Variants in MAPKAPK2 observed in about 807,000 individuals in gnomAD.
MAPKAPK2 encodes the protein MAPK activated protein kinase 2.
MAPKAPK2 carries 9 observed loss-of-function variants against 48.8 expected under a neutral mutation model. That is an observed-to-expected ratio of 0.18 (90% confidence interval 0.11 to 0.32). The LOEUF is 0.32. MAPKAPK2 is among the 10% of genes least tolerant of loss of function. The pLI is 1.00. For synonymous variants in MAPKAPK2, 202 were observed against 190.6 expected (o/e 1.06, Z -0.49); for missense variants, 331 against 498.3 (o/e 0.66, Z 3.20).
chr1:206,698,723 G>A (rs540523387), intron 1 of MAPKAPK2, among the ~76,000 whole-genome samples: 7 of 152,112 alleles, frequency 4.6e-5, no homozygotes, highest in African/African-American at 1.4e-4. Context: ...ACATGTTCAT[G>A]TACAGAATAA....
Position 206,731,998 on chromosome 1 carries a change from G to T in MAPKAPK2, c.1059+79G>T, listed in dbSNP as rs368347735. Reference sequence around the variant, plus strand: ...GGAGTGCCCAGGTGTGAGGCGTGGTGCTGGTAGGGGAGAGCTTGATTCTGC... The same window carrying T: ...GGAGTGCCCAGGTGTGAGGCGTGGTTCTGGTAGGGGAGAGCTTGATTCTGC... On this transcript the variant is annotated intron_variant, in intron 9 of 9. Transcript: ENST00000367103. This position sits in a 1 kb window ranked among gnomAD's most constrained non-coding sequence, Gnocchi z 5.9. 2.7e-5 allele frequency: 44 copies of T among 1,613,990 alleles called. No individual in the cohort carries two copies. The Middle Eastern group carries it at 1.6e-3, about 60-fold the overall frequency.
In MAPKAPK2 at chr1:206,728,865, T is replaced by C. The variant is rs1673796729; in HGVS notation, c.419+16T>C. 1 of 1,613,626 alleles carries C rather than the reference T, an allele frequency of 6.2e-7. No homozygotes were observed. Among genetic ancestry groups the C allele is most frequent in the Admixed American group, 1.7e-5 (1 of 59,962 alleles). ...TCATGGAATGGTAAGCAGCCACTGT[T>C]CTAGTCCCGGCCCAGCCTGTTCCCA... On this transcript the variant is annotated intron_variant, in intron 2 of 9. Transcript: ENST00000367103.
At position 206,729,485 on chromosome 1, in the gene MAPKAPK2, G is replaced by A. The variant is rs781913198; in HGVS notation, c.564+10G>A. On this transcript the variant is annotated intron_variant, in intron 4 of 9. Transcript: ENST00000367103. ...CCATCGGGATGTCAAGGTGCCAGCT[G>A]TTCATAACCCTGAGCCCGAGTGCTG... The A allele has an allele frequency of 3.1e-6, 5 of 1,612,502 alleles. No individual in the cohort carries two copies. The Admixed American group carries it at 6.7e-5, about 22-fold the overall frequency.
intron 1 of MAPKAPK2, among the ~76,000 whole-genome samples, chr1:206,727,032 GC>G (rs1572513097): frequency 6.6e-6 from 1 of 152,030 alleles, no homozygotes; most frequent in African/African-American, 2.4e-5. Context: ...CCTTCCCTCT[GC>G]CTGTCCATTT....
rs1432385542 is a variant in MAPKAPK2 at position 206,704,361 on chromosome 1, G to A, written c.279+18853G>A. On this transcript the variant is annotated intron_variant, in intron 1 of 9. Transcript: ENST00000367103. The surrounding 1 kb of genome is among the most constrained non-coding windows in gnomAD (Gnocchi z 4.3). ...TCCCCTTGCTGGGCACGCTTGGCAGGCATCCTGCTTTTCCTTTCAGGTTGC... is the reference window on the plus strand; with the variant it reads ...TCCCCTTGCTGGGCACGCTTGGCAGACATCCTGCTTTTCCTTTCAGGTTGC... Among the ~76,000 whole-genome samples, 1 of 152,232 alleles carries A rather than the reference G, an allele frequency of 6.6e-6. No individual in the cohort carries two copies. Among genetic ancestry groups the A allele is most frequent in the South Asian group, 2.1e-4 (1 of 4,830 alleles).
chr1:206,730,107 A>G lies in MAPKAPK2; in HGVS notation c.691+9A>G. On this transcript the variant is annotated intron_variant, in intron 5 of 9. Coordinates refer to ENST00000367103, the MANE Select transcript of MAPKAPK2 (RefSeq NM_032960.4). ...TACACCGTACTATGTGGGTAAGTCCACAGGGGGCCCAGGGACCTAGGCTTT... is the reference window on the plus strand; with the variant it reads ...TACACCGTACTATGTGGGTAAGTCCGCAGGGGGCCCAGGGACCTAGGCTTT... The G allele has an allele frequency of 1.9e-6, 3 of 1,614,176 alleles. No homozygotes were observed. Among genetic ancestry groups the G allele is most frequent in the Non-Finnish European group, 1.7e-6 (2 of 1,180,014 alleles).
Position 206,729,618 on chromosome 1 carries a change from G to A in MAPKAPK2, c.564+143G>A, listed in dbSNP as rs1290819626. On this transcript the variant is annotated intron_variant, in intron 4 of 9. Coordinates refer to ENST00000367103, the MANE Select transcript of MAPKAPK2 (RefSeq NM_032960.4). ...GCCATTCTCTGCCTTGTAGGGCCTT[G>A]CCCTCTCTGCCCATGGGCAAACCCC... The A allele has an allele frequency of 4.0e-6, 3 of 741,896 alleles. No homozygotes were observed. The African/African-American group carries it at 5.2e-5, about 13-fold the overall frequency. 46.0% of individuals were successfully genotyped at this position (741,896 alleles called of 1,614,324 possible). A position where few individuals can be genotyped will look rare whatever the true frequency, so the allele number is the denominator to read the frequency against.
Position 206,731,675 on chromosome 1 carries a change from C to T in MAPKAPK2, c.928C>T (p.Pro310Ser). Residue 310 changes from proline to serine, a missense_variant, in exon 8 of 10, where the codon CCC becomes TCC. By Grantham distance (74) the Pro-to-Ser change is moderately conservative. This residue lies in a region of MAPKAPK2 where 124 missense variants were observed against 194.6 expected (regional missense o/e 0.64). Transcript: ENST00000367103. The surrounding 1 kb of genome is among the most constrained non-coding windows in gnomAD (Gnocchi z 5.9). ...MLIRNLLKTE[P>S]TQRMTITEFM... ...CATTCGGAATCTGCTGAAAACAGAG[C>T]CCACCCAGAGAATGACCATCACCGA... 1 of 1,614,100 alleles carries T rather than the reference C, an allele frequency of 6.2e-7. No homozygotes were observed. The highest frequency in any genetic ancestry group is 8.5e-7 in the Non-Finnish European group (1 of 1,179,972).
rs56859867 is a variant in MAPKAPK2 at position 206,690,378 on chromosome 1, G to C, written c.279+4870G>C. 3.8e-3 allele frequency among the ~76,000 whole-genome samples: 585 copies of C among 152,344 alleles called. 3 individuals are homozygous for C. The highest frequency in any genetic ancestry group is 0.013 in the African/African-American group (535 of 41,578). On this transcript the variant is annotated intron_variant, in intron 1 of 9. Coordinates refer to ENST00000367103, the MANE Select transcript of MAPKAPK2 (RefSeq NM_032960.4). ...TTTTTACTTGTGAATTCTGGGCTTTGACTGAGCTTGGAGACAATCTCCAGC... is the reference window on the plus strand; with the variant it reads ...TTTTTACTTGTGAATTCTGGGCTTTCACTGAGCTTGGAGACAATCTCCAGC...
chr1:206,731,968 T>A lies in MAPKAPK2; in HGVS notation c.1059+49T>A. The A allele has an allele frequency of 6.2e-7, 1 of 1,613,758 alleles. No homozygotes were observed. Among genetic ancestry groups the A allele is most frequent in the Non-Finnish European group, 8.5e-7 (1 of 1,179,910 alleles). On this transcript the variant is annotated intron_variant, in intron 9 of 9. Transcript: ENST00000367103. This position sits in a 1 kb window ranked among gnomAD's most constrained non-coding sequence, Gnocchi z 5.9. ...GGGGCTCCAGGTGGGGTGGGCGGCT[T>A]GCGGGGAGTGCCCAGGTGTGAGGCG...
At chr1:206,692,078 A>C (rs1489834301) in intron 1 of MAPKAPK2, among the ~76,000 whole-genome samples, 1 of 152,172 alleles carries the variant, frequency 6.6e-6, no homozygotes, top group East Asian at 1.9e-4. Flanking sequence ...TTCCTTTCTC[A>C]AGTTATGGGG....
Position 206,715,549 on chromosome 1 carries a change from T to A in MAPKAPK2, c.280-13161T>A, listed in dbSNP as rs1553430209. Among the ~76,000 whole-genome samples, 21 of 152,314 alleles carry A rather than the reference T, an allele frequency of 1.4e-4. 1 individual carries two copies. In the South Asian group the frequency reaches 4.1e-3, roughly 30 times the overall value. ...CTTGGACCTTGTCTTTCAAAATGCA[T>A]TCCCTTTTGGGATCTCTGCCCATCA... On this transcript the variant is annotated intron_variant, in intron 1 of 9. Coordinates refer to ENST00000367103, the MANE Select transcript of MAPKAPK2 (RefSeq NM_032960.4).
In MAPKAPK2 at chr1:206,729,376, C is replaced by T. The variant is rs782614634; in HGVS notation, c.485-20C>T. 5 of 1,597,802 alleles carry T rather than the reference C, an allele frequency of 3.1e-6. No homozygotes were observed. Among genetic ancestry groups the T allele is most frequent in the Non-Finnish European group, 4.3e-6 (5 of 1,165,354 alleles). On this transcript the variant is annotated intron_variant, in intron 3 of 9. Coordinates refer to ENST00000367103, the MANE Select transcript of MAPKAPK2 (RefSeq NM_032960.4). ...TCTTTGTGACTTTCTTTCCCACTCA[C>T]TCTTCCCTCCCCTCTACAGAAGCAT...
intron 1 of MAPKAPK2, among the ~76,000 whole-genome samples, chr1:206,714,447 T>C (rs1427310848): frequency 6.6e-6 from 1 of 152,084 alleles, no homozygotes; most frequent in African/African-American, 2.4e-5. Flanking sequence ...GTTTATCCTA[T>C]TTGTCCCCTT....
Position 206,731,607 on chromosome 1 carries a change from T to C in MAPKAPK2, c.893-33T>C. 1 of 1,551,434 alleles carries C rather than the reference T, an allele frequency of 6.4e-7. No individual in the cohort carries two copies. The highest frequency in any genetic ancestry group is 1.1e-5 in the South Asian group (1 of 89,836). On this transcript the variant is annotated intron_variant, in intron 7 of 9. Transcript: ENST00000367103. The surrounding 1 kb of genome is among the most constrained non-coding windows in gnomAD (Gnocchi z 5.9). ...GGAGCAGGCCAGGGAGAGTGACCCCTGAGCTGTCACTGCCCCCTGTCCCAC... is the reference window on the plus strand; with the variant it reads ...GGAGCAGGCCAGGGAGAGTGACCCCCGAGCTGTCACTGCCCCCTGTCCCAC...
At chr1:206,698,927 C>T (rs1195779465) in intron 1 of MAPKAPK2, among the ~76,000 whole-genome samples, 2 of 152,198 alleles carry the variant, frequency 1.3e-5, no homozygotes, top group Non-Finnish European at 1.5e-5. Flanking sequence ...AACCTAGGCT[C>T]CCTCCAGCTC....
At chr1:206,691,504 T>TATATATATATATATATATATATAA (rs1424297313) in intron 1 of MAPKAPK2, among the ~76,000 whole-genome samples, 1 of 112,168 alleles carries the variant, frequency 8.9e-6, no homozygotes, top group Non-Finnish European at 2.0e-5. Flanking sequence ...TATATATATA[T>TATATATATATATATATATATATAA]ACACACATAC....
rs113347382 is a variant in MAPKAPK2, at chr1:206,730,488, C to A, written c.692-200C>A. Among the ~76,000 whole-genome samples, 57 of 152,348 alleles carry A rather than the reference C, an allele frequency of 3.7e-4. 2 individuals carry two copies. Among genetic ancestry groups the A allele is most frequent in the African/African-American group, 1.1e-3 (47 of 41,576 alleles). ...AGTTCAGGATTTTTAGAATCTTAAG[C>A]TCCTAGTTCCAGGTTCCTCATGGAG... On this transcript the variant is annotated intron_variant, in intron 5 of 9. Coordinates refer to ENST00000367103, the MANE Select transcript of MAPKAPK2 (RefSeq NM_032960.4).
intron 1 of MAPKAPK2, among the ~76,000 whole-genome samples, chr1:206,721,093 T>G (rs1287851426): frequency 2.0e-5 from 3 of 152,190 alleles, no homozygotes; most frequent in African/African-American, 4.8e-5. Context: ...GTTTGGGCCA[T>G]GGGGGTAGGT....
Sources: gnomAD v4.1 joint callset for allele counts (sites outside exome capture counted in the v4.1 genomes callset) on GRCh38, gnomAD v4.1.1 for gene constraint, gnomAD v4.1.1 regional missense constraint, Gnocchi (gnomAD v3.1) non-coding constraint, MANE v1.5 for transcripts, NCBI Gene and HGNC (gene_info 2026-07-23, HGNC 2026-07-21) for gene names.